The following MED13 variants were observed in gnomAD, a reference collection of about 807,000 sequenced individuals.
The protein encoded by MED13 is mediator complex subunit 13.
A neutral mutation model predicts 225.2 loss-of-function variants in MED13; 23 were observed. The ratio of observed to expected loss-of-function variants is 0.10; its 90% confidence interval spans 0.07 to 0.14. MED13 has a LOEUF of 0.14. Among genes scored for constraint, MED13 ranks in the 10% least tolerant of loss-of-function variants. MED13 has a pLI of 1.00. For synonymous variants in MED13, 942 were observed against 889.2 expected (o/e 1.06, Z -1.06); for missense variants, 2,197 against 2,594.5 (o/e 0.85, Z 3.33).
At chr17:62,039,531 C>T (rs1427401893) in intron 3 of MED13, among the ~76,000 whole-genome samples, 1 of 151,718 alleles carries the variant, frequency 6.6e-6, no homozygotes, top group Non-Finnish European at 1.5e-5. Flanking sequence ...GATCTGCCTA[C>T]CTCGGCCTCC....
rs79410007 is a variant in MED13, at chr17:61,963,952, T to C, written c.4845-981A>G. Among the ~76,000 whole-genome samples, 617 of 152,350 alleles carry C rather than the reference T, an allele frequency of 4.0e-3. 2 individuals carry two copies. Among genetic ancestry groups the C allele is most frequent in the Middle Eastern group, 6.8e-3 (2 of 294 alleles). The stretch of plus-strand genomic sequence containing the variant: ...TGTGTAAAGTACTTAATGTATATTA[T>C]ATCATATTACTCTCATCTTACAGAT... On this transcript the variant is annotated intron_variant, in intron 20 of 29. Coordinates refer to ENST00000397786, the MANE Select transcript of MED13 (RefSeq NM_005121.3).
At chr17:62,057,824 G>GC (rs1310712706) in intron 2 of MED13, among the ~76,000 whole-genome samples, 1 of 152,128 alleles carries the variant, frequency 6.6e-6, no homozygotes, top group Non-Finnish European at 1.5e-5. Flanking sequence ...TTAGCCCTGA[G>GC]TTTTTTTAGT....
intron 8 of MED13, among the ~76,000 whole-genome samples, chr17:62,012,327 C>CTTT (rs60421231): frequency 7.7e-5 from 10 of 129,630 alleles, no homozygotes; most frequent in African/African-American, 2.4e-4. Flanking sequence ...CACTAAGAAA[C>CTTT]TTTTTTTTTT....
rs2080758807 is a variant in MED13, at chr17:62,031,724, T to C, written c.815-86A>G. 5.3e-6 allele frequency: 4 copies of C among 749,240 alleles called. No individual in the cohort carries two copies. In the Admixed American group the frequency reaches 1.2e-4, roughly 22 times the overall value. The allele number at this position is 749,240 out of a possible 1,614,324, so 46.4% of individuals were successfully genotyped here. A position where few individuals can be genotyped will look rare whatever the true frequency, so the allele number is the denominator to read the frequency against. On this transcript the variant is annotated intron_variant, in intron 5 of 29. Transcript: ENST00000397786. The stretch of plus-strand genomic sequence containing the variant: ...ACTCAAAAGTACTATAATGGAAAAG[T>C]AGGTATCACATTTATACAAATAAAA...
At position 62,043,889 on chromosome 17, in the gene MED13, C is replaced by G. The variant is rs555452277; in HGVS notation, c.471-8281G>C. On this transcript the variant is annotated intron_variant, in intron 3 of 29. Transcript: ENST00000397786. ...TTTTTTTTTAGCTTTTTAAATGTGC[C>G]TAGTAGAAAATTTTAAATTACCTAT... Among the ~76,000 whole-genome samples, 8 of 151,842 alleles carry G rather than the reference C, an allele frequency of 5.3e-5. No individual in the cohort carries two copies. The East Asian group carries it at 1.5e-3, about 29-fold the overall frequency.
chr17:62,011,362 T>A, intron 8 of MED13, 129 bp from the exon 9 acceptor site: 1 of 833,420 alleles, frequency 1.2e-6, no homozygotes, highest in Non-Finnish European at 1.7e-6. Flanking sequence ...GTAAAATAAT[T>A]TGAATTTGAA....
chr17:62,053,942 T>C (rs1476469599), intron 2 of MED13, among the ~76,000 whole-genome samples: 1 of 152,230 alleles, frequency 6.6e-6, no homozygotes, highest in Non-Finnish European at 1.5e-5. Context: ...AGATTAATGT[T>C]GGTTTTATAT....
At position 61,995,260 on chromosome 17, in the gene MED13, T is replaced by C. The variant is rs1367681180; in HGVS notation, c.2073A>G (p.Gln691=). ...CLSAIASDAE[Q]EPKIDPYAFV... ...ATGCATATGGATCAATTTTAGGTTC[T>C]TGTTCTGCATCAGATGCTATTGCTG... The change falls in exon 10 of 30, where the codon CAA becomes CAG. Residue 691 remains glutamine, a synonymous_variant. Transcript: ENST00000397786. The C allele has an allele frequency of 6.2e-7, 1 of 1,613,814 alleles. No individual in the cohort carries two copies. The highest frequency in any genetic ancestry group is 2.2e-5 in the East Asian group (1 of 44,826).
intron 26 of MED13, among the ~76,000 whole-genome samples, chr17:61,954,942 G>A (rs1046968285): frequency 1.3e-5 from 2 of 152,228 alleles, no homozygotes; most frequent in Admixed American, 1.3e-4. Flanking sequence ...TTACAGTTCT[G>A]GAGGCCAGAA....
In MED13 at chr17:62,031,492, A is replaced by G; in HGVS notation, c.961T>C (p.Ser321Pro). ...VPASTRDPAM[S>P]SVTLTPPTSP... ...GTAGGTGGTGTAAGCGTAACCGAAG[A>G]CATAGCAGGATCTCTTGTGGAAGCA... Residue 321 changes from serine to proline, a missense_variant, in exon 6 of 30, where the codon TCT (serine) becomes CCT (proline). By Grantham distance (74) the Ser-to-Pro change is moderately conservative. Transcript: ENST00000397786. 6.2e-7 allele frequency: 1 copy of G among 1,613,826 alleles called. No individual in the cohort carries two copies. The highest frequency in any genetic ancestry group is 1.1e-5 in the South Asian group (1 of 91,036).
intron 17 of MED13, among the ~76,000 whole-genome samples, chr17:61,969,733 C>T (rs945139514): frequency 6.6e-6 from 1 of 151,972 alleles, no homozygotes; most frequent in Non-Finnish European, 1.5e-5. Context: ...TCCTGAGTAG[C>T]TGGGATTATA....
chr17:61,995,071 T>C, intron 10 of MED13, 81 bp downstream of exon 10: 1 of 945,120 alleles, frequency 1.1e-6, no homozygotes, highest in Non-Finnish European at 1.6e-6. Flanking sequence ...AGAAGTGAGA[T>C]AACTGTGGTA....
chr17:62,001,775 A>G (rs561070781), intron 9 of MED13, among the ~76,000 whole-genome samples: 6 of 152,316 alleles, frequency 3.9e-5, no homozygotes, highest in African/African-American at 1.4e-4. Flanking sequence ...TTAGACTACA[A>G]TTTCATTTAT....
Position 61,983,008 on chromosome 17 carries a change from C to T in MED13, c.2995G>A (p.Gly999Arg). Residue 999 changes from glycine to arginine, a missense_variant, in exon 16 of 30, where the codon GGA becomes AGA. Gly to Arg is a moderately radical substitution (Grantham distance 125). Transcript: ENST00000397786. Reference sequence around the variant, plus strand: ...GGGGTGGATGGAGAAGGAAGAATTCCTGCTCCGCTGTTACTAGGAGGTGCA... The same window carrying T: ...GGGGTGGATGGAGAAGGAAGAATTCTTGCTCCGCTGTTACTAGGAGGTGCA... ...SSAPPSNSGAGILPSPSTPRF... is the reference protein window; with the variant it reads ...SSAPPSNSGARILPSPSTPRF... 1 of 1,614,088 alleles carries T rather than the reference C, an allele frequency of 6.2e-7. No individual in the cohort carries two copies. Among genetic ancestry groups the T allele is most frequent in the Non-Finnish European group, 8.5e-7 (1 of 1,180,004 alleles).
intron 28 of MED13, among the ~76,000 whole-genome samples, chr17:61,948,711 C>T (rs978541914): frequency 6.6e-6 from 1 of 151,552 alleles, no homozygotes; most frequent in African/African-American, 2.4e-5. Context: ...CAGGTGTGAG[C>T]CACTGCACCC....
rs2080074728 is a variant in MED13, at chr17:61,968,063, A to C, written c.4163T>G (p.Phe1388Cys). The change falls in exon 18 of 30, where the codon TTT becomes TGT. Residue 1388 changes from phenylalanine (F) to cysteine (C), a missense_variant. Phe to Cys is a radical substitution (Grantham distance 205). Around this residue, in one of 12 missense-constraint regions of MED13, gnomAD observed 47 missense variants for 93.8 expected, o/e 0.50. Transcript: ENST00000397786. ...NEALLNGAKS[F>C]FRDLTAIYES... ...ATATATTGCAGTAAGATCTCTAAAA[A>C]AGCTTTTTGCTCCATTTAACAAGGC... 1 of 1,613,536 alleles carries C rather than the reference A, an allele frequency of 6.2e-7. No homozygotes were observed.
At chr17:62,042,077 G>C (rs1247770463) in intron 3 of MED13, among the ~76,000 whole-genome samples, 1 of 152,064 alleles carries the variant, frequency 6.6e-6, no homozygotes, top group Non-Finnish European at 1.5e-5. Flanking sequence ...TCATTAATCT[G>C]TATTTCTACA....
At position 61,943,776 on chromosome 17, in the gene MED13, T is replaced by C. The variant is rs879490222; in HGVS notation, c.*2692A>G. The C allele has an allele frequency of 2.0e-5, 3 of 152,572 alleles. No individual in the cohort carries two copies. The highest frequency in any genetic ancestry group is 2.0e-4 in the Admixed American group (3 of 15,266). 9.5% of individuals were successfully genotyped at this position (152,572 alleles called of 1,614,324 possible). ...TTTCTCACTGGCTGGAAGCAGACAT[T>C]ATATAACTAATCTTTTTAAATGACA... On this transcript the variant is annotated 3_prime_UTR_variant, in exon 30 of 30. Transcript: ENST00000397786.
At chr17:62,022,642 T>C (rs1257988759) in intron 8 of MED13, among the ~76,000 whole-genome samples, 1 of 152,080 alleles carries the variant, frequency 6.6e-6, no homozygotes, top group Non-Finnish European at 1.5e-5. Context: ...AGCAGAGCTA[T>C]ATAAGTAACT....
Sources: gnomAD v4.1 joint callset for allele counts (sites outside exome capture counted in the v4.1 genomes callset) on GRCh38, gnomAD v4.1.1 for gene constraint, gnomAD v4.1.1 regional missense constraint, MANE v1.5 for transcripts, NCBI Gene and HGNC (gene_info 2026-07-23, HGNC 2026-07-21) for gene names.